C1orf159: variants seen among roughly 807,000 people sequenced by gnomAD.
C1orf159 encodes uncharacterized protein C1orf159.
C1orf159 carries 19 observed loss-of-function variants against 25.6 expected under a neutral mutation model. The ratio of observed to expected loss-of-function variants is 0.74; its 90% CI spans 0.52 to 1.09. The LOEUF (loss-of-function observed/expected upper bound fraction) is 1.09, where lower values mean the gene tolerates loss of function less well. Ranked by LOEUF, C1orf159 falls within the 50% of genes least tolerant of loss-of-function variation. The pLI is 0.00. For missense variants in C1orf159, 274 were observed against 290.6 expected (o/e 0.94, Z 0.42); for synonymous variants, 139 against 124.7 (o/e 1.12, Z -0.77).
chr1:1,087,052 G>A lies in C1orf159; in HGVS notation c.310+87C>T. On this transcript the variant is annotated intron_variant, in intron 6 of 9. Coordinates refer to ENST00000421241, the MANE Select transcript of C1orf159 (RefSeq NM_017891.5). This position sits in a 1 kb window ranked among gnomAD's most constrained non-coding sequence, Gnocchi z 8.3. ...GCAGAACCCTGAGCCTGCTGTGGCT[G>A]CGTCAAGGGTGAGGGTCTGCACTGG... is the stretch of plus-strand genomic sequence containing the variant. 4.5e-6 allele frequency: 6 copies of A among 1,332,656 alleles called. No individual in the cohort carries two copies. Among genetic ancestry groups the A allele is most frequent in the South Asian group, 1.2e-5 (1 of 80,442 alleles). The allele number at this position is 1,332,656 out of a possible 1,614,324, so 82.6% of individuals were successfully genotyped here. A position where few individuals can be genotyped will look rare whatever the true frequency, so the allele number is the denominator to read the frequency against.
chr1:1,082,487 A>G lies in C1orf159; in HGVS notation c.*406T>C. 1 of 242,216 alleles carries G rather than the reference A, an allele frequency of 4.1e-6. No individual in the cohort carries two copies. Among genetic ancestry groups the G allele is most frequent in the South Asian group, 4.5e-5 (1 of 22,304 alleles). 15.0% of individuals were successfully genotyped at this position (242,216 alleles called of 1,614,324 possible). On this transcript the variant is annotated 3_prime_UTR_variant, in exon 10 of 10. Coordinates refer to ENST00000421241, the MANE Select transcript of C1orf159 (RefSeq NM_017891.5). ...CCACTGGGTGTGGTGGTGCTGGAGGAGTCCTGCCCGCTGTGGGCTCTGGAG... is the reference window on the plus strand; with the variant it reads ...CCACTGGGTGTGGTGGTGCTGGAGGGGTCCTGCCCGCTGTGGGCTCTGGAG...
rs893662115 is a variant in C1orf159, at chr1:1,088,161, C to T, written c.149-564G>A. ...CCCCAGGCCTCCCCCAAGACCCCCCCCACGCCTCTCCTAGGATCCCCCAAC... is the reference window on the plus strand; with the variant it reads ...CCCCAGGCCTCCCCCAAGACCCCCCTCACGCCTCTCCTAGGATCCCCCAAC... On this transcript the variant is annotated intron_variant, in intron 4 of 9. Coordinates refer to ENST00000421241, the MANE Select transcript of C1orf159 (RefSeq NM_017891.5). Among the ~76,000 whole-genome samples, 40 of 109,310 alleles carry T rather than the reference C, an allele frequency of 3.7e-4. 1 individual carries two copies. In the East Asian group the frequency reaches 0.01, roughly 28 times the overall value. The allele number at this position is 109,310 out of a possible 152,430, so 71.7% of individuals were successfully genotyped here.
chr1:1,095,277 G>A (rs1645995041), intron 1 of C1orf159, among the ~76,000 whole-genome samples: 2 of 152,190 alleles, frequency 1.3e-5, no homozygotes, highest in South Asian at 2.1e-4. Context: ...TGGCAGAGCC[G>A]ATGTTTTAAC....
At chr1:1,091,295 G>A in intron 3 of C1orf159, 177 bp downstream of exon 3, 3 of 728,066 alleles carry the variant, frequency 4.1e-6, no homozygotes, top group Non-Finnish European at 7.1e-6. Flanking sequence ...GCAGCGGAGG[G>A]CTCCCCTCTG....
At chr1:1,109,676 G>C (rs577841805) in intron 1 of C1orf159, among the ~76,000 whole-genome samples, 1 of 151,758 alleles carries the variant, frequency 6.6e-6, no homozygotes, top group East Asian at 1.9e-4. Flanking sequence ...GCTGTGTTTC[G>C]CAGGCTGGTC....
intron 7 of C1orf159, 106 bp from the exon 8 acceptor site, chr1:1,084,612 C>T: frequency 7.0e-7 from 1 of 1,428,234 alleles, no homozygotes; most frequent in Non-Finnish European, 9.5e-7. Context: ...TCAGCCTCAG[C>T]CCAGTGCGGC....
intron 6 of C1orf159, 53 bp from the exon 7 acceptor site, chr1:1,086,065 G>C: frequency 6.3e-7 from 1 of 1,597,788 alleles, no homozygotes; most frequent in Non-Finnish European, 8.5e-7. Context: ...CTGGCTCCTC[G>C]CCTGGCCCCC....
intron 3 of C1orf159, chr1:1,091,091 G>T (rs1645923796): frequency 1.1e-6 from 1 of 909,034 alleles, no homozygotes. Flanking sequence ...GCCCCAGCCA[G>T]GACAGTGAGG....
At chr1:1,084,448 G>A in intron 8 of C1orf159, 33 bp downstream of exon 8, 1 of 1,574,588 alleles carries the variant, frequency 6.4e-7, no homozygotes, top group South Asian at 1.2e-5. Flanking sequence ...ACGCGGCCAG[G>A]GACGCTCAGC....
intron 1 of C1orf159, among the ~76,000 whole-genome samples, chr1:1,100,249 C>A (rs1188282989): frequency 6.6e-6 from 1 of 151,188 alleles, no homozygotes; most frequent in African/African-American, 2.4e-5. Flanking sequence ...ATATAATTAT[C>A]ATTATGGGTA....
At chr1:1,094,107 G>A (rs1277170317) in intron 1 of C1orf159, among the ~76,000 whole-genome samples, 1 of 150,584 alleles carries the variant, frequency 6.6e-6, no homozygotes, top group Non-Finnish European at 1.5e-5. Context: ...TTTTTTGGCA[G>A]GGGTGGGGGG....
chr1:1,109,808 A>G lies in C1orf159; in HGVS notation c.-136+6252T>C, dbSNP rs537341557. 9.5e-4 allele frequency among the ~76,000 whole-genome samples: 144 copies of G among 152,302 alleles called. No homozygotes were observed. The Middle Eastern group carries it at 0.031, about 32-fold the overall frequency. ...GAGATTTCACATTTACATGTAAGACAATTAGGCCCTATATGGCCAAAGGTG... is the reference window on the plus strand; with the variant it reads ...GAGATTTCACATTTACATGTAAGACGATTAGGCCCTATATGGCCAAAGGTG... On this transcript the variant is annotated intron_variant, in intron 1 of 9. Coordinates refer to ENST00000421241, the MANE Select transcript of C1orf159 (RefSeq NM_017891.5).
At chr1:1,084,739 G>C (rs902769241) in intron 7 of C1orf159, among the ~76,000 whole-genome samples, 1 of 152,084 alleles carries the variant, frequency 6.6e-6, no homozygotes. Flanking sequence ...AGGTGCGGGG[G>C]CCTCCCTAGC....
In C1orf159 at chr1:1,094,561, C is replaced by T. The variant is rs569530235; in HGVS notation, c.-135-2458G>A. Among the ~76,000 whole-genome samples, 154 of 152,114 alleles carry T rather than the reference C, an allele frequency of 1.0e-3. 1 individual carries two copies. The highest frequency in any genetic ancestry group is 3.5e-3 in the African/African-American group (146 of 41,480). ...GACTACAGGTGCCCGCCACCACGCCCGGCTAATTTTTTGTATTTTTAGTAG... is the reference window on the plus strand; with the variant it reads ...GACTACAGGTGCCCGCCACCACGCCTGGCTAATTTTTTGTATTTTTAGTAG... On this transcript the variant is annotated intron_variant, in intron 1 of 9. Coordinates refer to ENST00000421241, the MANE Select transcript of C1orf159 (RefSeq NM_017891.5).
intron 1 of C1orf159, chr1:1,114,959 A>G (rs1440761169): frequency 6.6e-6 from 1 of 152,116 alleles, no homozygotes; most frequent in Non-Finnish European, 1.5e-5. Flanking sequence ...CTCACAAATC[A>G]CCACTAAAGA....
intron 1 of C1orf159, among the ~76,000 whole-genome samples, chr1:1,098,857 C>A (rs1282864902): frequency 6.6e-6 from 1 of 152,164 alleles, no homozygotes; most frequent in South Asian, 2.1e-4. Context: ...GGTGATCCAC[C>A]CGACTCGGGC....
chr1:1,099,578 A>G (rs1646067123), intron 1 of C1orf159, among the ~76,000 whole-genome samples: 1 of 152,152 alleles, frequency 6.6e-6, no homozygotes. Flanking sequence ...ATCTCCGACT[A>G]TGATTGTGGG....
chr1:1,104,261 ACAGGCGTGAGCCACTG>A, intron 1 of C1orf159, among the ~76,000 whole-genome samples: 1 of 152,250 alleles, frequency 6.6e-6, no homozygotes, highest in East Asian at 1.9e-4. Context: ...TGCTGGGATC[ACAGGCGTGAGCCACTG>A]CACCCGGCCC....
At chr1:1,103,371 T>C (rs1646128741) in intron 1 of C1orf159, among the ~76,000 whole-genome samples, 1 of 152,244 alleles carries the variant, frequency 6.6e-6, no homozygotes, top group Admixed American at 6.5e-5. Context: ...TTCCTGGCTC[T>C]TCATATGTTG....
Sources: allele counts gnomAD v4.1 joint callset (sites outside exome capture counted in the v4.1 genomes callset), GRCh38; gene constraint gnomAD v4.1.1; non-coding constraint Gnocchi (gnomAD v3.1); transcripts MANE v1.5; gene names NCBI Gene and HGNC (gene_info 2026-07-23, HGNC 2026-07-21).